CDH8: variants seen among roughly 807,000 people sequenced by gnomAD.
CDH8 encodes the protein cadherin 8.
Under a neutral mutation model 68.1 loss-of-function variants are expected in CDH8, and 17 were observed. The observed-to-expected ratio is 0.25, with a 90% CI of 0.17 to 0.37. CDH8 has a LOEUF of 0.37. Among genes scored for constraint, CDH8 ranks in the 10% least tolerant of loss-of-function variants. CDH8 has a pLI of 1.00. For missense variants in CDH8, 763 were observed against 999.3 expected (o/e 0.76, Z 3.19); for synonymous variants, 372 against 365.1 (o/e 1.02, Z -0.21).
At chr16:61,739,902 TA>T (rs1959814048) in intron 8 of CDH8, among the ~76,000 whole-genome samples, 1 of 90,068 alleles carries the variant, frequency 1.1e-5, no homozygotes, top group African/African-American at 5.4e-5. Context: ...TATATATATA[TA>T]TATATATATG....
intron 4 of CDH8, among the ~76,000 whole-genome samples, chr16:61,827,142 C>T (rs1290260959): frequency 6.6e-6 from 1 of 151,816 alleles, no homozygotes; most frequent in African/African-American, 2.4e-5. Flanking sequence ...ACCAAGATAG[C>T]TACTCTGCTA....
chr16:61,764,149 T>C (rs1432051394), intron 8 of CDH8, among the ~76,000 whole-genome samples: 8 of 152,230 alleles, frequency 5.3e-5, no homozygotes, highest in Admixed American at 5.2e-4. Context: ...ATATTGATAT[T>C]ATCATTCATA....
At chr16:61,693,231 A>T (rs888053030) in intron 10 of CDH8, 23 of 152,288 alleles carry the variant, frequency 1.5e-4, no homozygotes, top group African/African-American at 5.5e-4. Flanking sequence ...ATGATAAGGG[A>T]TTCTCAAAGT....
Position 61,964,224 on chromosome 16 carries a change from A to T in CDH8, c.252+56928T>A, listed in dbSNP as rs529970550. On this transcript the variant is annotated intron_variant, in intron 2 of 11. Transcript: ENST00000577390. ...ACTGAAATAATTGTGAGTTCTACAT[A>T]CATTTTAAAAAGATTAATAGAAACA... is the stretch of plus-strand genomic sequence containing the variant. 3.3e-5 allele frequency among the ~76,000 whole-genome samples: 5 copies of T among 152,316 alleles called. No homozygotes were observed. The East Asian group carries it at 9.7e-4, about 29-fold the overall frequency.
intron 3 of CDH8, among the ~76,000 whole-genome samples, chr16:61,874,520 A>G: frequency 6.6e-6 from 1 of 151,862 alleles, no homozygotes; most frequent in East Asian, 1.9e-4. Context: ...TTCAGTAGAG[A>G]CAGGGTTTCA....
At chr16:61,994,255 G>A (rs112177378) in intron 2 of CDH8, among the ~76,000 whole-genome samples, 4,034 of 152,152 alleles carry the variant, frequency 0.027, 176 homozygotes, top group African/African-American at 0.091. Context: ...ATTGTATTCA[G>A]AATTCATTTT....
intron 10 of CDH8, among the ~76,000 whole-genome samples, chr16:61,658,493 A>C (rs540334727): frequency 6.6e-6 from 1 of 152,126 alleles, no homozygotes; most frequent in African/African-American, 2.4e-5. Context: ...ATTATGGAGT[A>C]ACTTATAACT....
chr16:61,726,907 A>G lies in CDH8; in HGVS notation c.1536+187T>C, dbSNP rs979900781. On this transcript the variant is annotated intron_variant, in intron 9 of 11. Coordinates refer to ENST00000577390, the MANE Select transcript of CDH8 (RefSeq NM_001796.5). ...TTCCACTTTAGGAGCCAATTTGGTC[A>G]TAAGTAGGAAGAGAAATAACATCTG... 6.7e-6 allele frequency: 4 copies of G among 598,014 alleles called. No individual in the cohort carries two copies. In the South Asian group the frequency reaches 9.9e-5, roughly 15 times the overall value. 37.0% of individuals were successfully genotyped at this position (598,014 alleles called of 1,614,324 possible).
At chr16:61,942,977 T>C (rs1447770561) in intron 2 of CDH8, among the ~76,000 whole-genome samples, 1 of 152,152 alleles carries the variant, frequency 6.6e-6, no homozygotes, top group African/African-American at 2.4e-5. Flanking sequence ...GGAAGATCGC[T>C]TGAGTCCGGG....
chr16:61,681,385 G>A (rs1371329086), intron 10 of CDH8, among the ~76,000 whole-genome samples: 1 of 151,812 alleles, frequency 6.6e-6, no homozygotes, highest in African/African-American at 2.4e-5. Flanking sequence ...GCTTGAATGA[G>A]CCTCAAACTC....
intron 2 of CDH8, among the ~76,000 whole-genome samples, chr16:62,020,356 G>A (rs1011697653): frequency 6.6e-6 from 1 of 152,116 alleles, no homozygotes; most frequent in Non-Finnish European, 1.5e-5. Flanking sequence ...GAACAGTTCT[G>A]AGGAATAAAC....
chr16:61,912,337 G>T (rs1964176094), intron 2 of CDH8, among the ~76,000 whole-genome samples: 1 of 152,042 alleles, frequency 6.6e-6, no homozygotes, highest in Non-Finnish European at 1.5e-5. Flanking sequence ...TAACTTAGCT[G>T]TGTTGCTTAC....
intron 2 of CDH8, among the ~76,000 whole-genome samples, chr16:61,926,857 T>C (rs1343675357): frequency 6.6e-6 from 1 of 152,158 alleles, no homozygotes; most frequent in Non-Finnish European, 1.5e-5. Flanking sequence ...ATTTAAGATA[T>C]TATGTACTTT....
At chr16:61,829,535 C>T (rs1962412546) in intron 4 of CDH8, among the ~76,000 whole-genome samples, 3 of 151,852 alleles carry the variant, frequency 2.0e-5, no homozygotes, top group Admixed American at 2.0e-4. Flanking sequence ...CGGTCCAGGC[C>T]TGCTCCTTAA....
chr16:61,972,263 GAGTT>G (rs1279110883), intron 2 of CDH8, among the ~76,000 whole-genome samples: 1 of 152,146 alleles, frequency 6.6e-6, no homozygotes, highest in East Asian at 1.9e-4. Context: ...GTGGAACTGT[GAGTT>G]AATTAAACCT....
intron 8 of CDH8, among the ~76,000 whole-genome samples, chr16:61,760,283 T>TTTTTTTTA (rs368916623): frequency 1.4e-4 from 21 of 146,320 alleles, no homozygotes; most frequent in African/African-American, 5.4e-4. Context: ...TGGAAGAAAA[T>TTTTTTTTA]TTTATTTATT....
chr16:61,856,932 G>A (rs1963057744), intron 4 of CDH8, among the ~76,000 whole-genome samples, 187 bp downstream of exon 4: 1 of 152,066 alleles, frequency 6.6e-6, no homozygotes, highest in African/African-American at 2.4e-5. Context: ...CAAATGCTCT[G>A]TGATTTGTCG....
At chr16:61,798,173 A>G (rs1439445360) in intron 7 of CDH8, among the ~76,000 whole-genome samples, 1 of 152,190 alleles carries the variant, frequency 6.6e-6, no homozygotes, top group East Asian at 1.9e-4. Context: ...TCTAAATGTG[A>G]TGATGTAACA....
At chr16:61,677,071 T>A (rs958739044) in intron 10 of CDH8, among the ~76,000 whole-genome samples, 1 of 151,932 alleles carries the variant, frequency 6.6e-6, no homozygotes, top group African/African-American at 2.4e-5. Context: ...ATTTAAAACA[T>A]CTGCCTTCCA....
Sources: allele counts gnomAD v4.1 joint callset (sites outside exome capture counted in the v4.1 genomes callset), GRCh38; gene constraint gnomAD v4.1.1; transcripts MANE v1.5; gene names NCBI Gene and HGNC (gene_info 2026-07-23, HGNC 2026-07-21).